The following LAMA3 variants were observed in gnomAD, a reference collection of about 807,000 sequenced individuals.
LAMA3 encodes the protein laminin subunit alpha 3, also known as laminin subunit alpha-3.
LAMA3 carries 281 observed loss-of-function variants against 402.0 expected under a neutral mutation model. The ratio of observed to expected loss-of-function variants is 0.70; its 90% CI spans 0.63 to 0.77. The LOEUF (loss-of-function observed/expected upper bound fraction) is 0.77. Ranked by LOEUF, LAMA3 falls within the 30% of genes least tolerant of loss-of-function variation. The pLI is 0.00. For synonymous variants in LAMA3, 1,431 were observed against 1,558.4 expected (o/e 0.92, Z 1.93); for missense variants, 3,840 against 4,215.5 (o/e 0.91, Z 2.47).
At chr18:23,756,874 G>A (rs2061854917) in intron 6 of LAMA3, among the ~76,000 whole-genome samples, 2 of 151,676 alleles carry the variant, frequency 1.3e-5, no homozygotes, top group African/African-American at 2.4e-5. Flanking sequence ...TGCTCCCAGT[G>A]GTGGTTGCCT....
chr18:23,758,264 G>A, intron 6 of LAMA3, 132 bp from the exon 7 acceptor site: 1 of 721,378 alleles, frequency 1.4e-6, no homozygotes. Context: ...GAAGTGTTGT[G>A]TTCTCCTAAT....
intron 1 of LAMA3, among the ~76,000 whole-genome samples, chr18:23,697,951 A>G (rs2060714270): frequency 6.6e-6 from 1 of 151,964 alleles, no homozygotes; most frequent in Admixed American, 6.6e-5. Flanking sequence ...CTGTGTCTTC[A>G]CATGGTCTCT....
chr18:23,731,207 C>G (rs1032040950), intron 2 of LAMA3, among the ~76,000 whole-genome samples: 4 of 152,110 alleles, frequency 2.6e-5, no homozygotes, highest in African/African-American at 9.7e-5. Flanking sequence ...AGAATTTTTT[C>G]TTTTGCTCTT....
At chr18:23,908,296 C>T (rs143345570) in intron 54 of LAMA3, among the ~76,000 whole-genome samples, 150 of 151,812 alleles carry the variant, frequency 9.9e-4, no homozygotes, top group Non-Finnish European at 1.6e-3. Flanking sequence ...TTTGGGAGGC[C>T]GAGGTGGGTG....
chr18:23,904,917 CTGAT>C (rs1360048013), intron 51 of LAMA3, among the ~76,000 whole-genome samples: 4 of 152,212 alleles, frequency 2.6e-5, no homozygotes, highest in Non-Finnish European at 5.9e-5. Flanking sequence ...AGAAATTACA[CTGAT>C]TGTCAATTTT....
chr18:23,870,228 G>A (rs1322955424), intron 37 of LAMA3, among the ~76,000 whole-genome samples: 2 of 152,082 alleles, frequency 1.3e-5, no homozygotes, highest in African/African-American at 2.4e-5. Flanking sequence ...ACTTGAACCC[G>A]GGAGGCAGAG....
intron 2 of LAMA3, among the ~76,000 whole-genome samples, chr18:23,739,813 C>T (rs891649946): frequency 6.6e-6 from 1 of 152,078 alleles, no homozygotes; most frequent in African/African-American, 2.4e-5. Context: ...TGGTGTAAGC[C>T]ACTTATAAAA....
At position 23,784,084 on chromosome 18, in the gene LAMA3, G is replaced by T; in HGVS notation, c.1530G>T (p.Leu510=). The T allele has an allele frequency of 6.2e-7, 1 of 1,614,110 alleles. No individual in the cohort carries two copies. The highest frequency in any genetic ancestry group is 8.5e-7 in the Non-Finnish European group (1 of 1,180,004). The change falls in exon 12 of 75, where the codon CTG becomes CTT. Residue 510 remains leucine (L), a synonymous_variant. Transcript: ENST00000313654. ...TATGTGATGCCCACGGACGGTGCCT[G>T]TGCCGCCCTGGGGTTGAGGGCCCTC... ...PEICDAHGRC[L]CRPGVEGPRC... is the part of the protein sequence containing the mutation.
chr18:23,816,292 C>A, intron 17 of LAMA3, 96 bp from the exon 18 acceptor site: 1 of 879,904 alleles, frequency 1.1e-6, no homozygotes. Context: ...GGCACTGTGT[C>A]ACTGGGATGG....
intron 38 of LAMA3, 77 bp from the exon 39 acceptor site, chr18:23,876,217 A>C: frequency 6.4e-6 from 6 of 930,430 alleles, no homozygotes; most frequent in Non-Finnish European, 1.1e-5. Context: ...AATGCTTCAC[A>C]GTGAGAGGTG....
In LAMA3 at chr18:23,722,344, G is replaced by A. The variant is rs532276088; in HGVS notation, c.447+8272G>A. 3.9e-5 allele frequency among the ~76,000 whole-genome samples: 6 copies of A among 152,288 alleles called. No individual in the cohort carries two copies. In the East Asian group the frequency reaches 9.6e-4, roughly 24 times the overall value. The stretch of plus-strand genomic sequence containing the variant: ...TCAGAGGCACTTGCTAAGCTGTGCC[G>A]TAAAGGCTGATCCACCGTGTGCTCC... On this transcript the variant is annotated intron_variant, in intron 2 of 74. Transcript: ENST00000313654.
intron 39 of LAMA3, among the ~76,000 whole-genome samples, chr18:23,877,644 A>C (rs1172546016): frequency 6.6e-6 from 1 of 152,206 alleles, no homozygotes; most frequent in East Asian, 1.9e-4. Context: ...CTAGAAGAGG[A>C]AATTGTTGTG....
At chr18:23,753,024 T>A (rs966046011) in intron 5 of LAMA3, among the ~76,000 whole-genome samples, 3 of 152,206 alleles carry the variant, frequency 2.0e-5, no homozygotes, top group Non-Finnish European at 4.4e-5. Flanking sequence ...GAGCTGCCTA[T>A]TGTCAGCACT....
At chr18:23,793,553 AT>A (rs2062703640) in intron 12 of LAMA3, among the ~76,000 whole-genome samples, 1 of 151,948 alleles carries the variant, frequency 6.6e-6, no homozygotes, top group African/African-American at 2.4e-5. Context: ...CCTAGACAGC[AT>A]CCTTGGAAGA....
intron 62 of LAMA3, among the ~76,000 whole-genome samples, chr18:23,922,169 G>C (rs930895908): frequency 6.6e-6 from 1 of 152,206 alleles, no homozygotes; most frequent in African/African-American, 2.4e-5. Context: ...TGGAATGCAC[G>C]TAAAAATAAC....
intron 32 of LAMA3, among the ~76,000 whole-genome samples, chr18:23,856,197 A>G (rs139737763): frequency 3.1e-3 from 475 of 152,354 alleles, no homozygotes; most frequent in Non-Finnish European, 5.5e-3. Context: ...TTATGTTCTT[A>G]ATCACATACA....
intron 18 of LAMA3, among the ~76,000 whole-genome samples, chr18:23,819,550 T>C (rs1178820529): frequency 6.6e-6 from 1 of 152,242 alleles, no homozygotes; most frequent in East Asian, 1.9e-4. Context: ...TGCTAAATTG[T>C]TGGCAACTAT....
rs528247759 is a variant in LAMA3, at chr18:23,824,573, T to G, written c.2571+8T>G. The stretch of plus-strand genomic sequence containing the variant: ...GCAGAAGGAGTCCTTCTGGTAAGAC[T>G]TAGTTCTGAATGGAGAGCTCCTGCG... On this transcript the variant is annotated splice_region_variant and intron_variant, in intron 21 of 74. Transcript: ENST00000313654. 6.8e-6 allele frequency: 11 copies of G among 1,613,848 alleles called. No homozygotes were observed. The African/African-American group carries it at 1.5e-4, about 22-fold the overall frequency.
At chr18:23,803,139 T>A (rs765250173) in intron 12 of LAMA3, among the ~76,000 whole-genome samples, 2 of 152,202 alleles carry the variant, frequency 1.3e-5, no homozygotes, top group African/African-American at 2.4e-5. Flanking sequence ...GACAGAAGCA[T>A]TGCATGCAGA....
Sources: allele counts gnomAD v4.1 joint callset (sites outside exome capture counted in the v4.1 genomes callset), GRCh38; gene constraint gnomAD v4.1.1; transcripts MANE v1.5; gene names NCBI Gene and HGNC (gene_info 2026-07-23, HGNC 2026-07-21).